SEMA3C: variants seen among roughly 807,000 people sequenced by gnomAD.
SEMA3C encodes semaphorin 3C.
Under a neutral mutation model 89.4 loss-of-function variants are expected in SEMA3C, and 47 were observed. The ratio of observed to expected loss-of-function variants is 0.53; its 90% CI spans 0.42 to 0.67. The LOEUF is 0.67. Among genes scored for constraint, SEMA3C ranks in the 30% least tolerant of loss-of-function variants. The pLI, the probability that SEMA3C is intolerant of heterozygous loss-of-function variation, is 0.00. For synonymous variants in SEMA3C, 310 were observed against 320.2 expected, an observed-to-expected ratio of 0.97 and a Z score of 0.34; for missense variants, 839 against 929.1, an observed-to-expected ratio of 0.90 and a Z score of 1.26.
At chr7:80,892,462 A>T (rs1791637863) in intron 2 of SEMA3C, among the ~76,000 whole-genome samples, 1 of 152,088 alleles carries the variant, frequency 6.6e-6, no homozygotes, top group African/African-American at 2.4e-5. Flanking sequence ...AGTTGTGTGT[A>T]TATTGTCTGT....
intron 5 of SEMA3C, among the ~76,000 whole-genome samples, chr7:80,813,500 T>C (rs944201704): frequency 2.0e-5 from 3 of 152,230 alleles, no homozygotes; most frequent in Admixed American, 1.3e-4. Context: ...CCTTAAATGA[T>C]ATATCTTCAA....
chr7:80,904,723 G>T (rs947809267), intron 2 of SEMA3C, among the ~76,000 whole-genome samples: 4 of 152,162 alleles, frequency 2.6e-5, no homozygotes, highest in African/African-American at 7.2e-5. Flanking sequence ...GGGATTGGGG[G>T]AAGTGGTTTC....
At position 80,742,766 on chromosome 7, in the gene SEMA3C, T is replaced by C. The variant is rs1787711176; in HGVS notation, c.*2128A>G. The C allele has an allele frequency of 1.3e-5, 2 of 151,938 alleles. No individual in the cohort carries two copies. Among genetic ancestry groups the C allele is most frequent in the Non-Finnish European group, 2.9e-5 (2 of 67,848 alleles). The allele number at this position is 151,938 out of a possible 1,614,324, so 9.4% of individuals were successfully genotyped here. ...ATGGAATAGATATTAAGTCACTGAA[T>C]TGTCAAGCTACATAAAATAAAACCA... On this transcript the variant is annotated 3_prime_UTR_variant, in exon 18 of 18. Transcript: ENST00000265361.
chr7:80,827,579 T>C, intron 3 of SEMA3C, 92 bp from the exon 4 acceptor site: 1 of 954,380 alleles, frequency 1.0e-6, no homozygotes, highest in Admixed American at 3.1e-5. Flanking sequence ...CAGATTTATT[T>C]AAGGTGATCT....
intron 2 of SEMA3C, among the ~76,000 whole-genome samples, chr7:80,899,050 T>A (rs903570591): frequency 2.0e-5 from 3 of 152,154 alleles, no homozygotes; most frequent in Non-Finnish European, 4.4e-5. Context: ...ATCAACATTT[T>A]TTTTGTTTGA....
intron 2 of SEMA3C, among the ~76,000 whole-genome samples, chr7:80,893,868 G>A (rs1791672525): frequency 6.6e-6 from 1 of 152,136 alleles, no homozygotes; most frequent in African/African-American, 2.4e-5. Flanking sequence ...CAGCCATTTT[G>A]AAACAGACAA....
intron 12 of SEMA3C, among the ~76,000 whole-genome samples, chr7:80,787,390 TAAAAAAA>T (rs1179102219): frequency 4.0e-5 from 4 of 99,896 alleles, no homozygotes; most frequent in African/African-American, 1.6e-4. Flanking sequence ...AGACTCCGTT[TAAAAAAA>T]AAAAAAAAAA....
At chr7:80,913,030 C>T (rs2116246368) in intron 2 of SEMA3C, among the ~76,000 whole-genome samples, 1 of 152,234 alleles carries the variant, frequency 6.6e-6, no homozygotes, top group South Asian at 2.1e-4. Context: ...TACATACTAT[C>T]AAAGACCTGG....
intron 15 of SEMA3C, among the ~76,000 whole-genome samples, chr7:80,755,150 A>G (rs944811241): frequency 4.6e-5 from 7 of 151,534 alleles, no homozygotes; most frequent in Non-Finnish European, 8.8e-5. Context: ...CATTATTCAT[A>G]GTTTAATATC....
At chr7:80,804,496 AC>A (rs1789290750) in intron 7 of SEMA3C, among the ~76,000 whole-genome samples, 2 of 152,228 alleles carry the variant, frequency 1.3e-5, no homozygotes, top group Admixed American at 6.5e-5. Flanking sequence ...AAATTGAAAA[AC>A]TTTTCTACCA....
At chr7:80,921,410 A>C (rs1051595717), upstream of SEMA3C, among the ~76,000 whole-genome samples, 3 of 152,168 alleles carry the variant, frequency 2.0e-5, no homozygotes, top group Non-Finnish European at 4.4e-5. Context: ...TAGGCCACAG[A>C]GTGGAATTTT....
chr7:80,818,360 A>G lies in SEMA3C; in HGVS notation c.386T>C (p.Val129Ala). ...AGGACTGAAAGCGCCACTCCCACAGACATACAAATGTGTGCGATTGAAAGT... is the reference window on the plus strand; with the variant it reads ...AGGACTGAAAGCGCCACTCCCACAGGCATACAAATGTGTGCGATTGAAAGT... Reference protein sequence around the residue: ...IQTFNRTHLYVCGSGAFSPVC... With the variant: ...IQTFNRTHLYACGSGAFSPVC... The change falls in exon 5 of 18, where the codon GTC becomes GCC. Residue 129 changes from valine to alanine, a missense_variant. Val to Ala is a moderately conservative substitution (Grantham distance 64, BLOSUM62 0). Transcript: ENST00000265361. The G allele has an allele frequency of 6.2e-7, 1 of 1,613,726 alleles. No homozygotes were observed. The highest frequency in any genetic ancestry group is 8.5e-7 in the Non-Finnish European group (1 of 1,179,708).
intron 2 of SEMA3C, among the ~76,000 whole-genome samples, chr7:80,890,441 T>C (rs1166323363): frequency 6.6e-6 from 1 of 152,148 alleles, no homozygotes; most frequent in Non-Finnish European, 1.5e-5. Context: ...ACTTAAAATC[T>C]TGAAGGGGTA....
intron 6 of SEMA3C, among the ~76,000 whole-genome samples, chr7:80,806,093 T>C (rs1789335237): frequency 6.6e-6 from 1 of 151,996 alleles, no homozygotes. Context: ...AGACGTATAA[T>C]AGATAACAAA....
intron 13 of SEMA3C, among the ~76,000 whole-genome samples, chr7:80,762,788 G>A (rs1276198623): frequency 2.0e-5 from 3 of 152,160 alleles, no homozygotes; most frequent in African/African-American, 7.2e-5. Flanking sequence ...ACTCCAGCCT[G>A]GGTAACAAGA....
chr7:80,762,645 C>A lies in SEMA3C; in HGVS notation c.1444-988G>T, dbSNP rs1047696025. Among the ~76,000 whole-genome samples, 9 of 152,166 alleles carry A rather than the reference C, an allele frequency of 5.9e-5. No individual in the cohort carries two copies. The East Asian group carries it at 1.2e-3, about 20-fold the overall frequency. Reference sequence around the variant, plus strand: ...GACCAGCCTGGCCAAAATAGTGAAACCCTGTCTCTACTACAAAATTAGCTG... The same window carrying A: ...GACCAGCCTGGCCAAAATAGTGAAAACCTGTCTCTACTACAAAATTAGCTG... On this transcript the variant is annotated intron_variant, in intron 13 of 17. Transcript: ENST00000265361.
intron 2 of SEMA3C, among the ~76,000 whole-genome samples, chr7:80,855,352 T>C (rs1179493598): frequency 3.9e-5 from 6 of 152,100 alleles, no homozygotes; most frequent in Non-Finnish European, 5.9e-5. Context: ...TGCAGTGACA[T>C]GATCATAGCT....
intron 2 of SEMA3C, among the ~76,000 whole-genome samples, chr7:80,912,935 G>A (rs2116245971): frequency 6.6e-6 from 1 of 152,232 alleles, no homozygotes; most frequent in East Asian, 1.9e-4. Context: ...CAGCTTTGGG[G>A]CTTAGTTCAT....
chr7:80,835,970 C>T (rs2115851518), intron 2 of SEMA3C, among the ~76,000 whole-genome samples: 1 of 152,268 alleles, frequency 6.6e-6, no homozygotes, highest in East Asian at 1.9e-4. Context: ...ATCAGATGAC[C>T]TCTTGCTTTT....
Sources: allele counts gnomAD v4.1 joint callset (sites outside exome capture counted in the v4.1 genomes callset), GRCh38; gene constraint gnomAD v4.1.1; transcripts MANE v1.5; gene names NCBI Gene and HGNC (gene_info 2026-07-23, HGNC 2026-07-21).